Variants in C1orf21 observed in about 807,000 individuals in gnomAD.
The protein encoded by C1orf21 is chromosome 1 open reading frame 21.
In C1orf21, 3 loss-of-function variants were observed where a neutral mutation model predicts 18.7. The observed-to-expected ratio is 0.16, with a 90% CI of 0.07 to 0.42. The LOEUF (loss-of-function observed/expected upper bound fraction) is 0.42. C1orf21 is among the 10% of genes least tolerant of loss of function. The probability of loss-of-function intolerance (pLI) is 0.99; values close to 1 mark genes in which losing one functional copy is unlikely to be tolerated. For missense variants in C1orf21, 104 were observed against 143.6 expected, an observed-to-expected ratio of 0.72 and a Z score of 1.41; for synonymous variants, 41 against 46.4, an observed-to-expected ratio of 0.88 and a Z score of 0.47.
intron 3 of C1orf21, chr1:184,546,139 A>G (rs1340463972): frequency 1.3e-5 from 2 of 152,238 alleles, no homozygotes; most frequent in Non-Finnish European, 2.9e-5. Context: ...CACTTCATAA[A>G]CATGGATTTA....
At chr1:184,545,427 AT>A (rs896010732) in intron 3 of C1orf21, among the ~76,000 whole-genome samples, 6 of 151,596 alleles carry the variant, frequency 4.0e-5, no homozygotes, top group African/African-American at 9.7e-5. Flanking sequence ...TGTAGCATAT[AT>A]TTTTTTTTCT....
intron 3 of C1orf21, among the ~76,000 whole-genome samples, chr1:184,575,611 T>TAAAAAAAAAAAAAAAAAAAGAA (rs1659174321): frequency 1.2e-5 from 1 of 83,508 alleles, no homozygotes; most frequent in Non-Finnish European, 2.6e-5. Flanking sequence ...CACAAAAAGG[T>TAAAAAAAAAAAAAAAAAAAGAA]AAAAAAAAAA....
chr1:184,614,327 TC>T (rs1413962979), intron 5 of C1orf21, among the ~76,000 whole-genome samples: 1 of 152,242 alleles, frequency 6.6e-6, no homozygotes, highest in Non-Finnish European at 1.5e-5. Flanking sequence ...AGAAACAGAT[TC>T]AACACTTCCT....
chr1:184,455,610 A>T (rs1657186865), intron 1 of C1orf21, among the ~76,000 whole-genome samples: 1 of 152,128 alleles, frequency 6.6e-6, no homozygotes, highest in East Asian at 1.9e-4. Context: ...ATCAATGATT[A>T]CCTTTCTAGG....
intron 2 of C1orf21, among the ~76,000 whole-genome samples, chr1:184,504,456 A>G (rs746321927): frequency 5.3e-5 from 8 of 152,090 alleles, no homozygotes; most frequent in Admixed American, 2.0e-4. Flanking sequence ...AACAAAAGGA[A>G]AACTGGATTT....
At chr1:184,601,576 T>C (rs10797979) in intron 5 of C1orf21, among the ~76,000 whole-genome samples, 89,991 of 152,026 alleles carry the variant, frequency 0.59, 29,210 homozygotes, top group African/African-American at 0.88. Flanking sequence ...GTTATGGTGA[T>C]CAATAAAAAG....
chr1:184,402,152 C>T (rs1224151993), intron 1 of C1orf21, among the ~76,000 whole-genome samples: 2 of 152,166 alleles, frequency 1.3e-5, no homozygotes, highest in East Asian at 1.9e-4. Context: ...TTTAGTTCCT[C>T]GGTCACACTA....
chr1:184,607,545 C>T (rs1474623813), intron 5 of C1orf21, among the ~76,000 whole-genome samples: 1 of 151,930 alleles, frequency 6.6e-6, no homozygotes, highest in Non-Finnish European at 1.5e-5. Flanking sequence ...TTAAAATCCT[C>T]CATATTCATA....
chr1:184,466,733 C>G (rs927302423), intron 1 of C1orf21, among the ~76,000 whole-genome samples: 1 of 151,832 alleles, frequency 6.6e-6, no homozygotes, highest in Non-Finnish European at 1.5e-5. Context: ...AAACAAAAAC[C>G]TTGATTTTTT....
At position 184,627,306 on chromosome 1, in the gene C1orf21, C is replaced by T. The variant is rs1660031271; in HGVS notation, c.*7750C>T. 6.6e-6 allele frequency: 1 copy of T among 152,008 alleles called. No individual in the cohort carries two copies. The highest frequency in any genetic ancestry group is 6.6e-5 in the Admixed American group (1 of 15,262). 9.4% of individuals were successfully genotyped at this position (152,008 alleles called of 1,614,324 possible). A position where few individuals can be genotyped will look rare whatever the true frequency, so the allele number is the denominator to read the frequency against. ...AGCATTGGGTTTTTTTCTCCCCTCC[C>T]CACCCCCAGAAAAATAATTAGAAAA... On this transcript the variant is annotated 3_prime_UTR_variant, in exon 6 of 6. Transcript: ENST00000235307.
chr1:184,587,971 C>A (rs1659382046), intron 3 of C1orf21, among the ~76,000 whole-genome samples: 1 of 152,024 alleles, frequency 6.6e-6, no homozygotes, highest in Non-Finnish European at 1.5e-5. Context: ...GGATGCATAT[C>A]TTTTTAATAG....
At chr1:184,517,504 C>T (rs1036761294) in intron 3 of C1orf21, among the ~76,000 whole-genome samples, 5 of 152,008 alleles carry the variant, frequency 3.3e-5, no homozygotes, top group African/African-American at 9.7e-5. Context: ...GCCACTTGTA[C>T]ATCCTTAGCA....
chr1:184,410,953 C>T (rs751389823), intron 1 of C1orf21, among the ~76,000 whole-genome samples: 4 of 151,076 alleles, frequency 2.6e-5, no homozygotes, highest in African/African-American at 7.3e-5. Context: ...CGCCTGGCCT[C>T]GAAAATATTT....
intron 4 of C1orf21, among the ~76,000 whole-genome samples, chr1:184,592,977 T>A (rs1276589523): frequency 6.6e-6 from 1 of 152,192 alleles, no homozygotes; most frequent in East Asian, 1.9e-4. Context: ...GGCCGCAACC[T>A]CCCTAGCCCA....
At chr1:184,492,102 A>C (rs896450542) in intron 2 of C1orf21, among the ~76,000 whole-genome samples, 7 of 152,268 alleles carry the variant, frequency 4.6e-5, no homozygotes, top group Admixed American at 4.6e-4. Context: ...TAGAGATCAC[A>C]GTGAGCTATG....
intron 1 of C1orf21, among the ~76,000 whole-genome samples, chr1:184,475,734 GGTGTGTGTGTGTGTGTGT>G (rs10553261): frequency 1.4e-3 from 188 of 138,144 alleles, no homozygotes; most frequent in African/African-American, 4.0e-3. Context: ...AATGGAATAG[GGTGTGTGTGTGTGTGTGT>G]GTGTGTGTGT....
At chr1:184,549,763 C>G (rs917194883) in intron 3 of C1orf21, among the ~76,000 whole-genome samples, 1 of 152,034 alleles carries the variant, frequency 6.6e-6, no homozygotes, top group African/African-American at 2.4e-5. Flanking sequence ...AAATTCATCA[C>G]TACAGTCCCA....
At chr1:184,410,657 ATATATATTTT>A (rs1656332736) in intron 1 of C1orf21, among the ~76,000 whole-genome samples, 1 of 5,976 alleles carries the variant, frequency 1.7e-4, no homozygotes, top group Admixed American at 2.7e-3. Flanking sequence ...ATATATATAT[ATATATATTTT>A]TTTTTTTTTT....
chr1:184,582,164 A>AC (rs1316632589), intron 3 of C1orf21, among the ~76,000 whole-genome samples: 1 of 152,234 alleles, frequency 6.6e-6, no homozygotes, highest in Non-Finnish European at 1.5e-5. Flanking sequence ...TTTGAAGGAG[A>AC]CAGTGTCCTA....
Sources: gnomAD v4.1 joint callset for allele counts (sites outside exome capture counted in the v4.1 genomes callset) on GRCh38, gnomAD v4.1.1 for gene constraint, MANE v1.5 for transcripts, NCBI Gene and HGNC (gene_info 2026-07-23, HGNC 2026-07-21) for gene names.